PTPRT: variants seen among roughly 807,000 people sequenced by gnomAD.
PTPRT encodes the protein protein tyrosine phosphatase receptor type T.
In PTPRT, 56 loss-of-function variants were observed where a neutral mutation model predicts 176.8. That is an observed-to-expected ratio of 0.32 (90% confidence interval 0.26 to 0.40). The LOEUF is 0.40. Among genes scored for constraint, PTPRT ranks in the 10% least tolerant of loss-of-function variants. The pLI, the probability that PTPRT is intolerant of heterozygous loss-of-function variation, is 1.00. For missense variants in PTPRT, 1,540 were observed against 1,908.2 expected (o/e 0.81, Z 3.60); for synonymous variants, 783 against 739.0 (o/e 1.06, Z -0.96).
intron 5 of PTPRT, among the ~76,000 whole-genome samples, chr20:42,770,846 G>A (rs2077051786): frequency 6.6e-6 from 1 of 152,144 alleles, no homozygotes; most frequent in African/African-American, 2.4e-5. Flanking sequence ...TTCTAGTTCT[G>A]GAACTTTTAG....
At chr20:42,526,257 G>T (rs2072266158) in intron 7 of PTPRT, among the ~76,000 whole-genome samples, 1 of 151,736 alleles carries the variant, frequency 6.6e-6, no homozygotes. Context: ...TTTTCTTTGG[G>T]GCCACCACAT....
intron 3 of PTPRT, 107 bp downstream of exon 3, chr20:42,791,088 C>A: frequency 2.9e-6 from 4 of 1,373,564 alleles, no homozygotes; most frequent in Admixed American, 2.3e-5. Context: ...ACAGTAAACA[C>A]GAGTGAATAA....
intron 12 of PTPRT, among the ~76,000 whole-genome samples, chr20:42,286,940 C>T (rs1351166836): frequency 6.6e-6 from 1 of 151,798 alleles, no homozygotes; most frequent in South Asian, 2.1e-4. Context: ...ATGATCTTAA[C>T]AGGCATTTCT....
At chr20:42,792,525 T>A (rs1459149467) in intron 2 of PTPRT, among the ~76,000 whole-genome samples, 1 of 151,968 alleles carries the variant, frequency 6.6e-6, no homozygotes, top group Non-Finnish European at 1.5e-5. Context: ...ATTAAAGAGA[T>A]GATTAAGGAA....
chr20:42,222,998 C>T (rs1193464856), intron 15 of PTPRT, among the ~76,000 whole-genome samples: 2 of 152,238 alleles, frequency 1.3e-5, no homozygotes, highest in Non-Finnish European at 1.5e-5. Flanking sequence ...GTAGGACACC[C>T]AGCTGGTGTC....
intron 6 of PTPRT, among the ~76,000 whole-genome samples, chr20:42,734,716 C>G (rs557566152): frequency 6.6e-6 from 1 of 152,350 alleles, no homozygotes; most frequent in Non-Finnish European, 1.5e-5. Context: ...TCTCAGTTAG[C>G]TCCAGGCTGT....
intron 6 of PTPRT, among the ~76,000 whole-genome samples, chr20:42,748,727 T>C (rs1440918799): frequency 1.3e-5 from 2 of 152,076 alleles, no homozygotes; most frequent in African/African-American, 4.8e-5. Flanking sequence ...GGTTACATCC[T>C]GTATGACAAG....
chr20:42,101,638 C>T (rs570790265), intron 26 of PTPRT, among the ~76,000 whole-genome samples: 1 of 152,294 alleles, frequency 6.6e-6, no homozygotes, highest in Non-Finnish European at 1.5e-5. Context: ...TCCCAATAAC[C>T]ATTTACTGAG....
intron 1 of PTPRT, among the ~76,000 whole-genome samples, chr20:43,089,827 T>C (rs1395247295): frequency 1.3e-5 from 2 of 152,266 alleles, no homozygotes; most frequent in South Asian, 2.1e-4. Flanking sequence ...AAATGAATTT[T>C]CCCAGGCTGA....
intron 7 of PTPRT, among the ~76,000 whole-genome samples, chr20:42,493,845 C>T (rs558309948): frequency 6.6e-6 from 1 of 151,970 alleles, no homozygotes; most frequent in African/African-American, 2.4e-5. Context: ...CTCTTTTTCT[C>T]TCCCCAAGCT....
At chr20:42,127,410 C>G (rs920003289) in intron 19 of PTPRT, among the ~76,000 whole-genome samples, 6 of 152,128 alleles carry the variant, frequency 3.9e-5, no homozygotes, top group Non-Finnish European at 8.8e-5. Flanking sequence ...CTCTTTCTCT[C>G]TCTCTCTCAC....
Position 42,098,494 on chromosome 20 carries a change from G to A in PTPRT, c.3773C>T (p.Ala1258Val), listed in dbSNP as rs1364020370. The change falls in exon 27 of 31, where the codon GCA becomes GTA. Residue 1258 changes from alanine (A) to valine (V), a missense_variant. Physicochemically the swap from Ala to Val is moderately conservative, Grantham distance 64 (BLOSUM62 0). This residue lies in a region of PTPRT where 342 missense variants were observed against 394.0 expected (regional missense o/e 0.87). Coordinates refer to ENST00000373187, the MANE Select transcript of PTPRT (RefSeq NM_007050.6). ...ATCGAACACCAGCCTCCAGAAGTCT[G>A]CCACGGTGTTGGGTAGAGGGTGCTG... is the stretch of plus-strand genomic sequence containing the variant. ...VTQHPLPNTVADFWRLVFDYN... is the reference protein window; with the variant it reads ...VTQHPLPNTVVDFWRLVFDYN... The A allele has an allele frequency of 6.2e-7, 1 of 1,614,212 alleles. No homozygotes were observed. The highest frequency in any genetic ancestry group is 8.5e-7 in the Non-Finnish European group (1 of 1,180,044).
chr20:43,030,861 G>A (rs1259333767), intron 1 of PTPRT, among the ~76,000 whole-genome samples: 1 of 152,192 alleles, frequency 6.6e-6, no homozygotes, highest in Non-Finnish European at 1.5e-5. Flanking sequence ...AAAGGGAAAA[G>A]CACAAACCCA....
intron 1 of PTPRT, among the ~76,000 whole-genome samples, chr20:43,108,822 G>A (rs1412051560): frequency 1.3e-5 from 2 of 152,052 alleles, no homozygotes; most frequent in African/African-American, 4.8e-5. Context: ...GCCACGCAAT[G>A]GGACAATCAA....
At chr20:42,484,163 A>C (rs1247534738) in intron 7 of PTPRT, among the ~76,000 whole-genome samples, 1 of 152,152 alleles carries the variant, frequency 6.6e-6, no homozygotes, top group Non-Finnish European at 1.5e-5. Context: ...AATTCTTTAT[A>C]TACAGTTAAC....
chr20:42,665,204 A>G (rs1313400440), intron 7 of PTPRT, among the ~76,000 whole-genome samples: 1 of 152,150 alleles, frequency 6.6e-6, no homozygotes, highest in Non-Finnish European at 1.5e-5. Context: ...TACTCATCTG[A>G]CAAAGGGCTA....
intron 7 of PTPRT, among the ~76,000 whole-genome samples, chr20:42,647,179 G>GA (rs1285184607): frequency 6.6e-6 from 1 of 151,934 alleles, no homozygotes; most frequent in Non-Finnish European, 1.5e-5. Flanking sequence ...TTACAGGTGT[G>GA]AACCACCATG....
At chr20:42,668,858 A>ATTCT (rs2075364431) in intron 7 of PTPRT, among the ~76,000 whole-genome samples, 5 of 81,276 alleles carry the variant, frequency 6.2e-5, no homozygotes, top group African/African-American at 2.3e-4. Flanking sequence ...CGCCCAGCTA[A>ATTCT]TTTTTTTTTT....
chr20:42,297,051 G>A (rs771966412), intron 12 of PTPRT, among the ~76,000 whole-genome samples: 1 of 151,944 alleles, frequency 6.6e-6, no homozygotes, highest in Non-Finnish European at 1.5e-5. Flanking sequence ...AGGAAGGAAT[G>A]AAATAAGCTA....
Sources: gnomAD v4.1 joint callset for allele counts (sites outside exome capture counted in the v4.1 genomes callset) on GRCh38, gnomAD v4.1.1 for gene constraint, gnomAD v4.1.1 regional missense constraint, MANE v1.5 for transcripts, NCBI Gene and HGNC (gene_info 2026-07-23, HGNC 2026-07-21) for gene names.